PXDN: variants seen among roughly 807,000 people sequenced by gnomAD.
The protein encoded by PXDN is peroxidasin homolog.
Under a neutral mutation model 140.3 loss-of-function variants are expected in PXDN, and 77 were observed. That is an observed-to-expected ratio of 0.55 (90% CI 0.46 to 0.66). The LOEUF (loss-of-function observed/expected upper bound fraction) is 0.66, where lower values mean the gene tolerates loss of function less well. PXDN is among the 30% of genes least tolerant of loss of function. The pLI is 0.00. For synonymous variants in PXDN, 911 were observed against 857.4 expected (o/e 1.06, Z -1.09); for missense variants, 1,838 against 2,039.5 (o/e 0.90, Z 1.90).
At chr2:1,638,039 G>A (rs1682616718) in intron 21 of PXDN, among the ~76,000 whole-genome samples, 1 of 152,178 alleles carries the variant, frequency 6.6e-6, no homozygotes, top group East Asian at 1.9e-4. Flanking sequence ...ACCTCTCCCT[G>A]TGGCTGGGGG....
rs1339861423 is a variant in PXDN, at chr2:1,687,624, G to T, written c.416+8C>A. ...AAGAACTAAAGCACGAAGAGAAGGGGCACTTACAGTTGCTCTAGAGAGGCA... is the reference window on the plus strand; with the variant it reads ...AAGAACTAAAGCACGAAGAGAAGGGTCACTTACAGTTGCTCTAGAGAGGCA... On this transcript the variant is annotated splice_region_variant and intron_variant, in intron 4 of 22. Transcript: ENST00000252804. This position sits in a 1 kb window ranked among gnomAD's most constrained non-coding sequence, Gnocchi z 4.0. 1 of 1,488,320 alleles carries T rather than the reference G, an allele frequency of 6.7e-7. No homozygotes were observed. Among genetic ancestry groups the T allele is most frequent in the East Asian group, 2.3e-5 (1 of 43,512 alleles). The allele number at this position is 1,488,320 out of a possible 1,614,324, so 92.2% of individuals were successfully genotyped here.
intron 1 of PXDN, among the ~76,000 whole-genome samples, chr2:1,713,887 A>G (rs1269785886): frequency 6.6e-6 from 1 of 152,230 alleles, no homozygotes; most frequent in Non-Finnish European, 1.5e-5. Context: ...AGACATGAGA[A>G]GAGAACTTAA....
chr2:1,737,354 A>T (rs6737978), intron 1 of PXDN, among the ~76,000 whole-genome samples: 1 of 151,842 alleles, frequency 6.6e-6, no homozygotes, highest in Admixed American at 6.6e-5. Context: ...CTGATCTCGT[A>T]TCTACGCCAG....
chr2:1,687,647 G>C lies in PXDN; in HGVS notation c.401C>G (p.Ala134Gly). 1.3e-6 allele frequency: 2 copies of C among 1,520,124 alleles called. No individual in the cohort carries two copies. The highest frequency in any genetic ancestry group is 3.4e-5 in the Admixed American group (2 of 58,980). The allele number at this position is 1,520,124 out of a possible 1,614,324, so 94.2% of individuals were successfully genotyped here. Residue 134 changes from alanine to glycine, a missense_variant, in exon 4 of 23, where the codon GCC becomes GGC. Around this residue, in one of 5 missense-constraint regions of PXDN, gnomAD observed 231 missense variants for 201.5 expected, o/e 1.15. Coordinates refer to ENST00000252804, the MANE Select transcript of PXDN (RefSeq NM_012293.3). This position sits in a 1 kb window ranked among gnomAD's most constrained non-coding sequence, Gnocchi z 4.0. The stretch of plus-strand genomic sequence containing the variant: ...GGGCACTTACAGTTGCTCTAGAGAG[G>C]CAAGTCCCTTAAATGCTTGCCTGTC... ...SIDRQAFKGLASLEQLYLHFN... is the reference protein window; with the variant it reads ...SIDRQAFKGLGSLEQLYLHFN...
chr2:1,742,256 A>G (rs1685563458), intron 1 of PXDN, among the ~76,000 whole-genome samples: 1 of 152,212 alleles, frequency 6.6e-6, no homozygotes, highest in Admixed American at 6.5e-5. Context: ...GTTTAGTTCT[A>G]TAAGGGATTC....
At position 1,654,384 on chromosome 2, in the gene PXDN, T is replaced by C; in HGVS notation, c.1946+16A>G. Reference sequence around the variant, plus strand: ...TCAGTGATTTGAGGGTCAGCGTGTTTACAGCCCCACGATACCTGTCAAACA... The same window carrying C: ...TCAGTGATTTGAGGGTCAGCGTGTTCACAGCCCCACGATACCTGTCAAACA... On this transcript the variant is annotated intron_variant, in intron 15 of 22. Coordinates refer to ENST00000252804, the MANE Select transcript of PXDN (RefSeq NM_012293.3). 1 of 1,588,052 alleles carries C rather than the reference T, an allele frequency of 6.3e-7. No homozygotes were observed. The highest frequency in any genetic ancestry group is 8.6e-7 in the Non-Finnish European group (1 of 1,156,458).
chr2:1,676,745 G>C (rs143750930), intron 8 of PXDN, among the ~76,000 whole-genome samples, 182 bp downstream of exon 8: 1 of 152,210 alleles, frequency 6.6e-6, no homozygotes, highest in South Asian at 2.1e-4. Context: ...TGGCAGAAAC[G>C]TCGTCACACC....
At position 1,680,446 on chromosome 2, in the gene PXDN, C is replaced by T. The variant is rs946155876; in HGVS notation, c.561-84G>A. 13 of 1,521,298 alleles carry T rather than the reference C, an allele frequency of 8.5e-6. No individual in the cohort carries two copies. The Middle Eastern group carries it at 5.1e-4, about 59-fold the overall frequency. The allele number at this position is 1,521,298 out of a possible 1,614,324, so 94.2% of individuals were successfully genotyped here. On this transcript the variant is annotated intron_variant, in intron 6 of 22. Transcript: ENST00000252804. ...CATCAGACAGGGCTTCCAGGTCCCG[C>T]GTCGGGAAACATGTGCCAGGCCTGC...
chr2:1,718,837 G>A (rs1684951001), intron 1 of PXDN, among the ~76,000 whole-genome samples: 1 of 152,274 alleles, frequency 6.6e-6, no homozygotes. Flanking sequence ...GGCTGAGGAA[G>A]AAATGGCCAG....
Position 1,663,595 on chromosome 2 carries a change from T to A in PXDN, c.1567+10A>T. On this transcript the variant is annotated intron_variant, in intron 12 of 22. Coordinates refer to ENST00000252804, the MANE Select transcript of PXDN (RefSeq NM_012293.3). Reference sequence around the variant, plus strand: ...AAAATCAATTCAGTCCACAACCTCCTGGCACCTACCTCTGGGCTGCACAGT... The same window carrying A: ...AAAATCAATTCAGTCCACAACCTCCAGGCACCTACCTCTGGGCTGCACAGT... The A allele has an allele frequency of 1.2e-6, 2 of 1,613,720 alleles. No individual in the cohort carries two copies. Among genetic ancestry groups the A allele is most frequent in the Non-Finnish European group, 1.7e-6 (2 of 1,179,792 alleles).
chr2:1,722,020 G>A (rs1685064790), intron 1 of PXDN, among the ~76,000 whole-genome samples: 2 of 152,166 alleles, frequency 1.3e-5, no homozygotes, highest in South Asian at 4.1e-4. Context: ...ATGAGTGAAT[G>A]AGGAAACGCT....
At chr2:1,692,417 C>G (rs559302153) in intron 2 of PXDN, 2 of 448,406 alleles carry the variant, frequency 4.5e-6, no homozygotes, top group Non-Finnish European at 4.6e-6. Flanking sequence ...GTGCTCCATT[C>G]GAGCGCACAG....
At chr2:1,667,454 C>G (rs1683471257) in intron 9 of PXDN, among the ~76,000 whole-genome samples, 1 of 152,084 alleles carries the variant, frequency 6.6e-6, no homozygotes, top group Non-Finnish European at 1.5e-5. Context: ...GCGGTAAATT[C>G]CTGGACATAT....
At chr2:1,670,781 A>G (rs2125431838) in intron 9 of PXDN, among the ~76,000 whole-genome samples, 1 of 152,302 alleles carries the variant, frequency 6.6e-6, no homozygotes, top group South Asian at 2.1e-4. Context: ...CCACCAGAAA[A>G]CTGAACAGCA....
At chr2:1,677,626 C>T (rs972187513) in intron 7 of PXDN, among the ~76,000 whole-genome samples, 1 of 151,154 alleles carries the variant, frequency 6.6e-6, no homozygotes, top group East Asian at 1.9e-4. Context: ...GAGGGCCACC[C>T]GAGGGCTGAC....
At chr2:1,720,604 C>T (rs1313181951) in intron 1 of PXDN, among the ~76,000 whole-genome samples, 1 of 53,046 alleles carries the variant, frequency 1.9e-5, no homozygotes, top group Non-Finnish European at 3.7e-5. Flanking sequence ...CTTTGCCTCT[C>T]AGATACAGCT....
chr2:1,644,862 G>C, intron 17 of PXDN, 110 bp from the exon 18 acceptor site: 2 of 1,174,028 alleles, frequency 1.7e-6, no homozygotes, highest in Non-Finnish European at 2.2e-6. Flanking sequence ...ACATTATTTA[G>C]AATTTTACTT....
chr2:1,648,410 C>G lies in PXDN; in HGVS notation c.3370G>C (p.Val1124Leu). Residue 1124 changes from valine to leucine, a missense_variant, in exon 17 of 23, where the codon GTG becomes CTG. Val to Leu is a conservative substitution (Grantham distance 32, BLOSUM62 1). This residue lies in a region of PXDN where 850 missense variants were observed against 894.1 expected (regional missense o/e 0.95). Transcript: ENST00000252804. This position sits in a 1 kb window ranked among gnomAD's most constrained non-coding sequence, Gnocchi z 8.9. ...GAGGGCACACGCATTTTCCCCGCCACCCCGAACAGCCCCCTGAGAAGCGGA... is the reference window on the plus strand; with the variant it reads ...GAGGGCACACGCATTTTCCCCGCCAGCCCGAACAGCCCCCTGAGAAGCGGA... The part of the protein sequence containing the change: ...IDPLLRGLFG[V>L]AGKMRVPSQL... The G allele has an allele frequency of 6.2e-7, 1 of 1,611,802 alleles. No homozygotes were observed. Among genetic ancestry groups the G allele is most frequent in the Non-Finnish European group, 8.5e-7 (1 of 1,179,874 alleles).
rs750537766 is a variant in PXDN, at chr2:1,649,083, C to A, written c.2697G>T (p.Pro899=). The A allele has an allele frequency of 6.2e-7, 1 of 1,612,664 alleles. No individual in the cohort carries two copies. The highest frequency in any genetic ancestry group is 8.5e-7 in the Non-Finnish European group (1 of 1,179,760). Residue 899 remains proline (P), a synonymous_variant, in exon 17 of 23, where the codon CCG becomes CCT. Transcript: ENST00000252804. This position sits in a 1 kb window ranked among gnomAD's most constrained non-coding sequence, Gnocchi z 7.1. ...AGGTGAGCTGGTTGATCTGCTCCCG[C>A]GGGTACACGGAGTTCATGAGCAGCG... The part of the protein sequence containing the change: ...MTSLLMNSVY[P]REQINQLTSY...
Sources: allele counts gnomAD v4.1 joint callset (sites outside exome capture counted in the v4.1 genomes callset), GRCh38; gene constraint gnomAD v4.1.1; regional missense constraint gnomAD v4.1.1; non-coding constraint Gnocchi (gnomAD v3.1); transcripts MANE v1.5; gene names NCBI Gene and HGNC (gene_info 2026-07-23, HGNC 2026-07-21).